Variants in DNAJC22 observed in about 807,000 individuals in gnomAD.
DNAJC22 encodes dnaJ homolog subfamily C member 22.
DNAJC22 carries 24 observed loss-of-function variants against 22.2 expected under a neutral mutation model. The ratio of observed to expected loss-of-function variants is 1.08; its 90% CI spans 0.78 to 1.52. The LOEUF (loss-of-function observed/expected upper bound fraction) is 1.52, where lower values mean the gene tolerates loss of function less well. DNAJC22 is among the 40% of genes most tolerant of loss of function. The probability of loss-of-function intolerance (pLI) is 0.00; values close to 1 mark genes in which losing one functional copy is unlikely to be tolerated. For missense variants in DNAJC22, 434 were observed against 421.7 expected, an observed-to-expected ratio of 1.03 and a Z score of -0.26; for synonymous variants, 160 against 167.4, an observed-to-expected ratio of 0.96 and a Z score of 0.34.
rs183969293 is a variant in DNAJC22, at chr12:49,352,579, T to C, written c.*1077T>C. ...ATAAATAAATAAATGTATAAAGCAC[T>C]ATGTTAGGAGATTGAAGGAAAAATA... On this transcript the variant is annotated 3_prime_UTR_variant, in exon 4 of 4. Coordinates refer to ENST00000549441, the MANE Select transcript of DNAJC22 (RefSeq NM_001304944.2). 1 of 152,240 alleles carries C rather than the reference T, an allele frequency of 6.6e-6. No homozygotes were observed. The highest frequency in any genetic ancestry group is 6.5e-5 in the Admixed American group (1 of 15,280). The allele number at this position is 152,240 out of a possible 1,614,324, so 9.4% of individuals were successfully genotyped here.
chr12:49,351,396 A>C lies in DNAJC22; in HGVS notation c.920A>C (p.Asp307Ala). 6.2e-7 allele frequency: 1 copy of C among 1,613,532 alleles called. No individual in the cohort carries two copies. Among genetic ancestry groups the C allele is most frequent in the Non-Finnish European group, 8.5e-7 (1 of 1,179,704 alleles). Reference sequence around the variant, plus strand: ...GAGCTAGTGAAGGTCTGGCACCCAGACCACAACCTGGACCAGACAGAGGAG... The same window carrying C: ...GAGCTAGTGAAGGTCTGGCACCCAGCCCACAACCTGGACCAGACAGAGGAG... ...YQELVKVWHP[D>A]HNLDQTEEAQ... Residue 307 changes from aspartate (D) to alanine (A), a missense_variant, in exon 4 of 4, where the codon GAC (aspartate) becomes GCC (alanine). Transcript: ENST00000549441.
chr12:49,348,893 G>A lies in DNAJC22; in HGVS notation c.21G>A (p.Val7=). MAKGLL[V]TYALWAVGGP... is the part of the protein sequence containing the mutation. The stretch of plus-strand genomic sequence containing the variant: ...AGAGGATGGCCAAGGGGCTCCTGGT[G>A]ACCTATGCCCTCTGGGCTGTGGGGG... The change falls in exon 3 of 4, where the codon GTG becomes GTA. Residue 7 remains valine (V), a synonymous_variant. Transcript: ENST00000549441. 5.3e-6 allele frequency: 8 copies of A among 1,500,146 alleles called. No homozygotes were observed. The highest frequency in any genetic ancestry group is 7.1e-6 in the Non-Finnish European group (8 of 1,125,912). The allele number at this position is 1,500,146 out of a possible 1,614,324, so 92.9% of individuals were successfully genotyped here. A position where few individuals can be genotyped will look rare whatever the true frequency, so the allele number is the denominator to read the frequency against.
At chr12:49,350,469 T>A (rs548485714) in intron 3 of DNAJC22, among the ~76,000 whole-genome samples, 28 of 152,000 alleles carry the variant, frequency 1.8e-4, no homozygotes, top group Admixed American at 3.3e-4. Context: ...CAACATCATG[T>A]TTATGAGATG....
chr12:49,350,108 G>A (rs529517571), intron 3 of DNAJC22, among the ~76,000 whole-genome samples: 18 of 148,314 alleles, frequency 1.2e-4, no homozygotes, highest in African/African-American at 3.8e-4. Context: ...ATGGAGTCTC[G>A]CTGTGTTGCC....
In DNAJC22 at chr12:49,351,255, G is replaced by A. The variant is rs573846710; in HGVS notation, c.841-62G>A. On this transcript the variant is annotated intron_variant, in intron 3 of 3. Transcript: ENST00000549441. ...TAGCCTGATTTAGCAAAGGTGCAAG[G>A]AGAGGCCCAGGTACCCTGACAACTT... 5.0e-6 allele frequency: 8 copies of A among 1,608,438 alleles called. No individual in the cohort carries two copies. In the South Asian group the frequency reaches 8.9e-5, roughly 18 times the overall value.
chr12:49,349,409 T>G lies in DNAJC22; in HGVS notation c.537T>G (p.Ser179Arg). Residue 179 changes from serine to arginine, a missense_variant, in exon 3 of 4, where the codon AGT becomes AGG. Physicochemically the swap from Ser to Arg is moderately radical, Grantham distance 110. Transcript: ENST00000549441. ...YKALVASEPL[S>R]VRLYRLGLAY... ...CTTTGGTGGCATCAGAGCCGCTCAGTGTGCGGCTCTATCGTCTGGGCTTGG... is the reference window on the plus strand; with the variant it reads ...CTTTGGTGGCATCAGAGCCGCTCAGGGTGCGGCTCTATCGTCTGGGCTTGG... 1 of 1,611,484 alleles carries G rather than the reference T, an allele frequency of 6.2e-7. No homozygotes were observed. Among genetic ancestry groups the G allele is most frequent in the East Asian group, 2.2e-5 (1 of 44,866 alleles).
Position 49,347,626 on chromosome 12 carries a change from G to A in DNAJC22, c.-569-18G>A, listed in dbSNP as rs1018913397. On this transcript the variant is annotated intron_variant, in intron 1 of 3. Coordinates refer to ENST00000549441, the MANE Select transcript of DNAJC22 (RefSeq NM_001304944.2). ...AGGACGTATTCTTGCATTTACAGGA[G>A]TTTATCCTTTTTTTTAGCACTACAG... is the stretch of plus-strand genomic sequence containing the variant. 5.2e-4 allele frequency: 80 copies of A among 152,392 alleles called. No homozygotes were observed. Among genetic ancestry groups the A allele is most frequent in the African/African-American group, 1.8e-3 (75 of 41,580 alleles). The allele number at this position is 152,392 out of a possible 1,614,324, so 9.4% of individuals were successfully genotyped here.
Position 49,349,093 on chromosome 12 carries a change from C to T in DNAJC22, c.221C>T (p.Pro74Leu). 1 of 1,614,128 alleles carries T rather than the reference C, an allele frequency of 6.2e-7. No individual in the cohort carries two copies. ...GQRQSPRGVT[P>L]PLSPIRFAAQ... ...AGGCAGAGCCCCAGAGGGGTGACACCCCCTCTGAGTCCCATTCGCTTTGCT... is the reference window on the plus strand; with the variant it reads ...AGGCAGAGCCCCAGAGGGGTGACACTCCCTCTGAGTCCCATTCGCTTTGCT... Residue 74 changes from proline (P) to leucine (L), a missense_variant, in exon 3 of 4, where the codon CCC becomes CTC. Physicochemically the swap from Pro to Leu is moderately conservative, Grantham distance 98 (BLOSUM62 -3). Coordinates refer to ENST00000549441, the MANE Select transcript of DNAJC22 (RefSeq NM_001304944.2).
At chr12:49,350,574 C>T (rs1289127156) in intron 3 of DNAJC22, among the ~76,000 whole-genome samples, 2 of 147,350 alleles carry the variant, frequency 1.4e-5, no homozygotes, top group Non-Finnish European at 3.0e-5. Context: ...TCTCAGCTCA[C>T]TGCAACCTCT....
At chr12:49,350,201 C>G (rs1012456286) in intron 3 of DNAJC22, among the ~76,000 whole-genome samples, 1 of 151,916 alleles carries the variant, frequency 6.6e-6, no homozygotes, top group African/African-American at 2.4e-5. Flanking sequence ...CTCAGCCTCC[C>G]GAGTAGCTGG....
Position 49,349,539 on chromosome 12 carries a change from A to C in DNAJC22, c.667A>C (p.Ser223Arg). Residue 223 changes from serine to arginine, a missense_variant, in exon 3 of 4, where the codon AGC (serine) becomes CGC (arginine). By Grantham distance (110) the Ser-to-Arg change is moderately radical. Transcript: ENST00000549441. ...ETFGSFLNWF[S>R]FFPLLGRLME... The stretch of plus-strand genomic sequence containing the variant: ...CTTTGGCTCCTTCTTGAATTGGTTC[A>C]GCTTCTTCCCCCTTCTTGGCCGCCT... 6.2e-7 allele frequency: 1 copy of C among 1,614,220 alleles called. No individual in the cohort carries two copies. The highest frequency in any genetic ancestry group is 2.2e-5 in the East Asian group (1 of 44,888).
In DNAJC22 at chr12:49,348,953, G is replaced by A. The variant is rs1592321446; in HGVS notation, c.81G>A (p.Arg27=). ...GGCTCCACCACCTGTACCTGGGAAG[G>A]GACAGCCACGCCCTGCTCTGGATGC... ...PAGLHHLYLG[R]DSHALLWMLT... Residue 27 remains arginine (R), a synonymous_variant, in exon 3 of 4, where the codon AGG becomes AGA. Transcript: ENST00000549441. The A allele has an allele frequency of 6.5e-7, 1 of 1,528,960 alleles. No homozygotes were observed. The highest frequency in any genetic ancestry group is 2.3e-5 in the East Asian group (1 of 44,292). 94.7% of individuals were successfully genotyped at this position (1,528,960 alleles called of 1,614,324 possible).
Position 49,351,670 on chromosome 12 carries a change from G to A in DNAJC22, c.*168G>A, listed in dbSNP as rs1458339882. 2 of 576,070 alleles carry A rather than the reference G, an allele frequency of 3.5e-6. No homozygotes were observed. Among genetic ancestry groups the A allele is most frequent in the Non-Finnish European group, 2.7e-6 (1 of 368,384 alleles). The allele number at this position is 576,070 out of a possible 1,614,324, so 35.7% of individuals were successfully genotyped here. Reference sequence around the variant, plus strand: ...CCCAGCACTTTGGGAGGCCGAGGCGGGCAGATCACGAGGTCAGGAGTTCGA... The same window carrying A: ...CCCAGCACTTTGGGAGGCCGAGGCGAGCAGATCACGAGGTCAGGAGTTCGA... On this transcript the variant is annotated 3_prime_UTR_variant, in exon 4 of 4. Coordinates refer to ENST00000549441, the MANE Select transcript of DNAJC22 (RefSeq NM_001304944.2).
At chr12:49,350,713 G>T (rs1943771815) in intron 3 of DNAJC22, among the ~76,000 whole-genome samples, 1 of 148,244 alleles carries the variant, frequency 6.7e-6, no homozygotes, top group African/African-American at 2.6e-5. Flanking sequence ...GGTCAGGCTG[G>T]TCTCGAACTC....
In DNAJC22 at chr12:49,351,343, A is replaced by T. The variant is rs528746372; in HGVS notation, c.867A>T (p.Thr289=). The change falls in exon 4 of 4, where the codon ACA becomes ACT. Residue 289 remains threonine (T), a synonymous_variant. Transcript: ENST00000549441. Reference sequence around the variant, plus strand: ...TTTTGGGCCTCTCAGAAGGGGCAACAAATGAAGAAATACATCGGAGTTACC... The same window carrying T: ...TTTTGGGCCTCTCAGAAGGGGCAACTAATGAAGAAATACATCGGAGTTACC... ...YQVLGLSEGA[T]NEEIHRSYQE... is the part of the protein sequence containing the mutation. The T allele has an allele frequency of 9.9e-6, 16 of 1,613,800 alleles. No individual in the cohort carries two copies. The South Asian group carries it at 1.6e-4, about 17-fold the overall frequency.
rs1169969888 is a variant in DNAJC22 at position 49,352,314 on chromosome 12, C to T, written c.*812C>T. On this transcript the variant is annotated 3_prime_UTR_variant, in exon 4 of 4. Coordinates refer to ENST00000549441, the MANE Select transcript of DNAJC22 (RefSeq NM_001304944.2). Reference sequence around the variant, plus strand: ...ATCACCTTAGGTCAGGAGTTCAAGACCAGCCTGGCCAACCAACATGGTGAA... The same window carrying T: ...ATCACCTTAGGTCAGGAGTTCAAGATCAGCCTGGCCAACCAACATGGTGAA... 1 of 152,208 alleles carries T rather than the reference C, an allele frequency of 6.6e-6. No homozygotes were observed. Among genetic ancestry groups the T allele is most frequent in the Non-Finnish European group, 1.5e-5 (1 of 68,062 alleles). 9.4% of individuals were successfully genotyped at this position (152,208 alleles called of 1,614,324 possible).
chr12:49,349,536 T>G lies in DNAJC22; in HGVS notation c.664T>G (p.Phe222Val). 6.2e-7 allele frequency: 1 copy of G among 1,614,238 alleles called. No homozygotes were observed. The highest frequency in any genetic ancestry group is 8.5e-7 in the Non-Finnish European group (1 of 1,180,034). Reference sequence around the variant, plus strand: ...AACCTTTGGCTCCTTCTTGAATTGGTTCAGCTTCTTCCCCCTTCTTGGCCG... The same window carrying G: ...AACCTTTGGCTCCTTCTTGAATTGGGTCAGCTTCTTCCCCCTTCTTGGCCG... ...AETFGSFLNW[F>V]SFFPLLGRLM... The change falls in exon 3 of 4, where the codon TTC becomes GTC. Residue 222 changes from phenylalanine (F) to valine (V), a missense_variant. Coordinates refer to ENST00000549441, the MANE Select transcript of DNAJC22 (RefSeq NM_001304944.2).
chr12:49,349,719 C>A lies in DNAJC22; in HGVS notation c.840+7C>A, dbSNP rs1369143128. 1.2e-6 allele frequency: 2 copies of A among 1,614,082 alleles called. No homozygotes were observed. Among genetic ancestry groups the A allele is most frequent in the Non-Finnish European group, 1.7e-6 (2 of 1,180,018 alleles). On this transcript the variant is annotated splice_region_variant and intron_variant, in intron 3 of 3. Coordinates refer to ENST00000549441, the MANE Select transcript of DNAJC22 (RefSeq NM_001304944.2). ...GCGTCAGCTGGCTTACCAGGTAAGGCTTTCTTCCCTCAGTCCTGTCCGGTG... is the reference window on the plus strand; with the variant it reads ...GCGTCAGCTGGCTTACCAGGTAAGGATTTCTTCCCTCAGTCCTGTCCGGTG...
chr12:49,349,057 C>T lies in DNAJC22; in HGVS notation c.185C>T (p.Ala62Val). Reference protein sequence around the residue: ...LPSFVAQANRAQGQRQSPRGV... With the variant: ...LPSFVAQANRVQGQRQSPRGV... The stretch of plus-strand genomic sequence containing the variant: ...AGCTTTGTAGCTCAGGCCAACAGAG[C>T]CCAGGGACAGAGGCAGAGCCCCAGA... The change falls in exon 3 of 4, where the codon GCC becomes GTC. Residue 62 changes from alanine to valine, a missense_variant. Coordinates refer to ENST00000549441, the MANE Select transcript of DNAJC22 (RefSeq NM_001304944.2). 6.2e-7 allele frequency: 1 copy of T among 1,612,540 alleles called. No individual in the cohort carries two copies. The highest frequency in any genetic ancestry group is 1.7e-4 in the Middle Eastern group (1 of 6,042).
Sources: allele counts gnomAD v4.1 joint callset (sites outside exome capture counted in the v4.1 genomes callset), GRCh38; gene constraint gnomAD v4.1.1; transcripts MANE v1.5; gene names NCBI Gene and HGNC (gene_info 2026-07-23, HGNC 2026-07-21).